Variants in GRIP1 observed in about 807,000 individuals in gnomAD.
GRIP1 encodes the protein glutamate receptor interacting protein 1, also known as glutamate receptor-interacting protein 1.
In GRIP1, 45 loss-of-function variants were observed where a neutral mutation model predicts 129.9. The observed-to-expected ratio is 0.35, with a 90% confidence interval of 0.27 to 0.44. GRIP1 has a LOEUF of 0.44. GRIP1 is among the 20% of genes least tolerant of loss of function. The probability of loss-of-function intolerance (pLI) is 1.00; values close to 1 mark genes in which losing one functional copy is unlikely to be tolerated. For synonymous variants in GRIP1, 530 were observed against 520.8 expected (o/e 1.02, Z -0.24); for missense variants, 1,196 against 1,396.8 (o/e 0.86, Z 2.29).
At chr12:66,764,999 T>A (rs188274125) in intron 1 of GRIP1, among the ~76,000 whole-genome samples, 1 of 152,342 alleles carries the variant, frequency 6.6e-6, no homozygotes, top group African/African-American at 2.4e-5. Context: ...TCTATTATTA[T>A]CCTTATTGGA....
intron 7 of GRIP1, among the ~76,000 whole-genome samples, chr12:66,507,264 C>T (rs1051282295): frequency 6.6e-6 from 1 of 152,032 alleles, no homozygotes; most frequent in Non-Finnish European, 1.5e-5. Context: ...TGGTGAAACC[C>T]TGTCTCTACT....
chr12:66,993,487 T>A (rs1037355443), intron 1 of GRIP1, among the ~76,000 whole-genome samples: 1 of 151,422 alleles, frequency 6.6e-6, no homozygotes, highest in Non-Finnish European at 1.5e-5. Flanking sequence ...AAGACTCAAA[T>A]TGCTAAAATC....
intron 1 of GRIP1, among the ~76,000 whole-genome samples, chr12:66,621,611 T>C (rs1043223050): frequency 6.6e-6 from 1 of 152,158 alleles, no homozygotes; most frequent in Non-Finnish European, 1.5e-5. Context: ...GGGGTATATA[T>C]GTAGGCGTGG....
At chr12:66,498,999 A>G (rs2060315448) in intron 7 of GRIP1, among the ~76,000 whole-genome samples, 6 of 152,238 alleles carry the variant, frequency 3.9e-5, no homozygotes, top group African/African-American at 1.2e-4. Flanking sequence ...ATGATCACTG[A>G]GAAGGAGCAA....
At chr12:67,028,918 G>C (rs953503899) in intron 1 of GRIP1, among the ~76,000 whole-genome samples, 3 of 151,918 alleles carry the variant, frequency 2.0e-5, no homozygotes, top group Non-Finnish European at 4.4e-5. Context: ...CTAAGCACTA[G>C]AGACTTAGCC....
At chr12:66,616,908 G>C (rs2065060436) in intron 1 of GRIP1, among the ~76,000 whole-genome samples, 1 of 152,098 alleles carries the variant, frequency 6.6e-6, no homozygotes, top group Non-Finnish European at 1.5e-5. Flanking sequence ...GCATCTTCCA[G>C]ATGTGAACGG....
chr12:66,364,181 G>A (rs151042233), intron 23 of GRIP1, among the ~76,000 whole-genome samples: 3,122 of 141,260 alleles, frequency 0.022, 117 homozygotes, highest in African/African-American at 0.079. Context: ...CAGGAGAATC[G>A]CTTGAACCCA....
intron 1 of GRIP1, among the ~76,000 whole-genome samples, chr12:66,926,936 C>G (rs74098148): frequency 1.4e-3 from 219 of 152,270 alleles, no homozygotes; most frequent in African/African-American, 4.8e-3. Context: ...AATATTCTCC[C>G]AAATCTAATT....
chr12:66,381,961 C>T (rs563975520), intron 19 of GRIP1, among the ~76,000 whole-genome samples: 1 of 152,208 alleles, frequency 6.6e-6, no homozygotes, highest in African/African-American at 2.4e-5. Flanking sequence ...TGACCAGGTG[C>T]GGTGGCTCAC....
At chr12:66,452,882 A>G (rs968201279) in intron 11 of GRIP1, among the ~76,000 whole-genome samples, 2 of 152,222 alleles carry the variant, frequency 1.3e-5, no homozygotes, top group African/African-American at 4.8e-5. Context: ...AACCTTTGCA[A>G]TGCTATCATT....
At chr12:66,390,745 A>C (rs2056553020) in intron 19 of GRIP1, among the ~76,000 whole-genome samples, 1 of 152,216 alleles carries the variant, frequency 6.6e-6, no homozygotes, top group African/African-American at 2.4e-5. Flanking sequence ...ATACACAATA[A>C]ATTGATAAAT....
intron 1 of GRIP1, among the ~76,000 whole-genome samples, chr12:67,044,663 C>T (rs2135824978): frequency 6.6e-6 from 1 of 152,208 alleles, no homozygotes; most frequent in Admixed American, 6.5e-5. Flanking sequence ...CTGACACCAG[C>T]TACTTCTAAT....
chr12:66,555,140 A>G (rs2062279703), intron 2 of GRIP1, among the ~76,000 whole-genome samples: 1 of 152,176 alleles, frequency 6.6e-6, no homozygotes, highest in Admixed American at 6.5e-5. Context: ...GTGCAGTCCC[A>G]GTGATAGTGG....
At chr12:66,890,889 G>T (rs1196065003) in intron 1 of GRIP1, among the ~76,000 whole-genome samples, 1 of 152,146 alleles carries the variant, frequency 6.6e-6, no homozygotes, top group Non-Finnish European at 1.5e-5. Context: ...CTTTTATCTT[G>T]CAGGATCACC....
intron 1 of GRIP1, among the ~76,000 whole-genome samples, chr12:66,972,054 A>G (rs966108516): frequency 1.3e-5 from 2 of 152,162 alleles, no homozygotes; most frequent in African/African-American, 4.8e-5. Context: ...GTGGAATGGG[A>G]AAAGTACTAA....
At position 66,785,343 on chromosome 12, in the gene GRIP1, C is replaced by CATACATATATATATATATATAT. The variant is rs377630345; in HGVS notation, c.-420+18709_-420+18710insATATATATATATATATATGTAT. Among the ~76,000 whole-genome samples, 325 of 72,698 alleles carry CATACATATATATATATATATAT rather than the reference C, an allele frequency of 4.5e-3. 4 individuals are homozygous for CATACATATATATATATATATAT. Among genetic ancestry groups the CATACATATATATATATATATAT allele is most frequent in the South Asian group, 0.014 (23 of 1,684 alleles). 47.7% of individuals were successfully genotyped at this position (72,698 alleles called of 152,430 possible). ...ACATACATACATACATACATACATA[C>CATACATATATATATATATATAT]ATATATATATATATATATATTAGTT... On this transcript the variant is annotated intron_variant, in intron 1 of 4. Transcript: ENST00000538373.
intron 2 of GRIP1, among the ~76,000 whole-genome samples, chr12:66,578,229 G>A (rs145523416): frequency 0.05 from 1,802 of 35,868 alleles, 45 homozygotes; most frequent in African/African-American, 0.14. Context: ...TGGCAAAACC[G>A]CGGTTTTTTT....
chr12:66,449,910 A>G (rs1270338004), intron 11 of GRIP1, among the ~76,000 whole-genome samples: 1 of 151,562 alleles, frequency 6.6e-6, no homozygotes, highest in Non-Finnish European at 1.5e-5. Context: ...TTTTTTTTCC[A>G]TTTGAGATCA....
chr12:67,009,482 C>A (rs1030176704), intron 1 of GRIP1, among the ~76,000 whole-genome samples: 1 of 152,112 alleles, frequency 6.6e-6, no homozygotes, highest in Non-Finnish European at 1.5e-5. Context: ...ATTTTATCTA[C>A]AAAGAGCACA....
Sources: gnomAD v4.1 joint callset for allele counts (sites outside exome capture counted in the v4.1 genomes callset) on GRCh38, gnomAD v4.1.1 for gene constraint, MANE v1.5 for transcripts, NCBI Gene and HGNC (gene_info 2026-07-23, HGNC 2026-07-21) for gene names.